Variants in STAT5B observed in about 807,000 individuals in gnomAD.
STAT5B encodes signal transducer and activator of transcription 5B.
STAT5B carries 21 observed loss-of-function variants against 107.8 expected under a neutral mutation model. That is an observed-to-expected ratio of 0.19 (90% confidence interval 0.14 to 0.28). The LOEUF is 0.28. Ranked by LOEUF, STAT5B falls within the 10% of genes least tolerant of loss-of-function variation. The probability of loss-of-function intolerance (pLI) is 1.00; values close to 1 mark genes in which losing one functional copy is unlikely to be tolerated. For synonymous variants in STAT5B, 325 were observed against 401.7 expected, an observed-to-expected ratio of 0.81 and a Z score of 2.28; for missense variants, 565 against 1,008.2, an observed-to-expected ratio of 0.56 and a Z score of 5.95.
rs967910319 is a variant in STAT5B at position 42,201,168 on chromosome 17, C to T, written c.*570G>A. On this transcript the variant is annotated 3_prime_UTR_variant, in exon 19 of 19. Transcript: ENST00000293328. The stretch of plus-strand genomic sequence containing the variant: ...TTTGTAGGTTGCCCCTTTTCCCATT[C>T]CTACCCAAGAACACAGGGGTGGGGG... 2.4e-6 allele frequency: 1 copy of T among 408,454 alleles called. No homozygotes were observed. Among genetic ancestry groups the T allele is most frequent in the African/African-American group, 2.1e-5 (1 of 48,748 alleles). The allele number at this position is 408,454 out of a possible 1,614,324, so 25.3% of individuals were successfully genotyped here.
In STAT5B at chr17:42,224,799, A is replaced by G. The variant is rs777518670; in HGVS notation, c.355T>C (p.Leu119=). 2.5e-6 allele frequency: 4 copies of G among 1,613,286 alleles called. No homozygotes were observed. In the South Asian group the frequency reaches 3.3e-5, roughly 13 times the overall value. The part of the protein sequence containing the change: ...IRHILYNEQR[L]VREANNGSSP... ...CTCACATTGTTGGCTTCTCGGACCA[A>G]CCTCTGTTCATTGTACAATATATGG... Residue 119 remains leucine, a synonymous_variant, in exon 4 of 19, where the codon TTG becomes CTG. Coordinates refer to ENST00000293328, the MANE Select transcript of STAT5B (RefSeq NM_012448.4).
intron 1 of STAT5B, among the ~76,000 whole-genome samples, chr17:42,243,639 A>G (rs1157073501): frequency 7.2e-5 from 11 of 152,198 alleles, no homozygotes; most frequent in Admixed American, 7.2e-4. Flanking sequence ...AGTATATGCG[A>G]GTACTCATTG....
At chr17:42,203,833 G>C (rs1250545585) in intron 16 of STAT5B, among the ~76,000 whole-genome samples, 2 of 151,902 alleles carry the variant, frequency 1.3e-5, no homozygotes, top group Non-Finnish European at 2.9e-5. Context: ...CTCCATGTTG[G>C]TCAGGCTGGT....
chr17:42,227,726 C>T (rs778822549), intron 2 of STAT5B, 41 bp from the exon 3 acceptor site: 54 of 1,604,916 alleles, frequency 3.4e-5, no homozygotes, highest in Admixed American at 1.0e-4. Flanking sequence ...CATACATGCA[C>T]GTGAGCCTGT....
chr17:42,282,995 G>C, the STAT5B span, among the ~76,000 whole-genome samples: 1 of 151,944 alleles, frequency 6.6e-6, no homozygotes, highest in Non-Finnish European at 1.5e-5. Context: ...CTTAAGAAAC[G>C]AAGAAACAAT....
chr17:42,256,861 C>CA (rs781345676), intron 1 of STAT5B, among the ~76,000 whole-genome samples: 1,170 of 44,734 alleles, frequency 0.026, 213 homozygotes, highest in Middle Eastern at 0.071. Context: ...GACTCTGTCT[C>CA]AAAAAAAAAA....
intron 16 of STAT5B, among the ~76,000 whole-genome samples, chr17:42,204,788 C>T (rs1482736585): frequency 6.6e-6 from 1 of 152,132 alleles, no homozygotes; most frequent in Non-Finnish European, 1.5e-5. Flanking sequence ...CTAACTTTTT[C>T]TTTTTTGTAG....
chr17:42,207,820 A>G lies in STAT5B; in HGVS notation c.1907-92T>C, dbSNP rs563323204. 5.2e-4 allele frequency: 690 copies of G among 1,332,486 alleles called. 2 individuals are homozygous for G. Among genetic ancestry groups the G allele is most frequent in the Non-Finnish European group, 6.9e-4 (652 of 944,722 alleles). 82.5% of individuals were successfully genotyped at this position (1,332,486 alleles called of 1,614,324 possible). ...AACATACTATAAATTCAAGCTTGCC[A>G]TTATAATGGCTCCAATAGAAATCTC... is the stretch of plus-strand genomic sequence containing the variant. On this transcript the variant is annotated intron_variant, in intron 15 of 18. Transcript: ENST00000293328.
At chr17:42,261,545 AT>A (rs1332828142) in intron 1 of STAT5B, among the ~76,000 whole-genome samples, 1 of 151,848 alleles carries the variant, frequency 6.6e-6, no homozygotes, top group Non-Finnish European at 1.5e-5. Flanking sequence ...GTTAAGATAG[AT>A]TTTTTATTTT....
At chr17:42,282,067 G>C in the STAT5B span, among the ~76,000 whole-genome samples, 111 of 152,306 alleles carry the variant, frequency 7.3e-4, no homozygotes, top group African/African-American at 2.6e-3. Flanking sequence ...GAACCATGGT[G>C]GGGGTGGTCA....
Position 42,207,674 on chromosome 17 carries a change from C to T in STAT5B, c.1961G>A (p.Arg654Gln), listed in dbSNP as rs201246187. The T allele has an allele frequency of 1.9e-6, 3 of 1,613,988 alleles. No homozygotes were observed. Among genetic ancestry groups the T allele is most frequent in the Admixed American group, 1.7e-5 (1 of 59,986 alleles). Reference protein sequence around the residue: ...MPFTTRDFSIRSLADRLGDLN... With the variant: ...MPFTTRDFSIQSLADRLGDLN... Reference sequence around the variant, plus strand: ...GTCTCCCAAGCGGTCGGCTAGGGACCGAATGGAGAAGTCTCTGGTGGTAAA... The same window carrying T: ...GTCTCCCAAGCGGTCGGCTAGGGACTGAATGGAGAAGTCTCTGGTGGTAAA... The change falls in exon 16 of 19, where the codon CGG (arginine) becomes CAG (glutamine). Residue 654 changes from arginine to glutamine, a missense_variant. Physicochemically the swap from Arg to Gln is conservative, Grantham distance 43 (BLOSUM62 1). Coordinates refer to ENST00000293328, the MANE Select transcript of STAT5B (RefSeq NM_012448.4).
At chr17:42,222,055 CTG>C (rs1237628379) in intron 5 of STAT5B, among the ~76,000 whole-genome samples, 2 of 91,538 alleles carry the variant, frequency 2.2e-5, no homozygotes, top group African/African-American at 8.8e-5. Context: ...TGCTGTGTGT[CTG>C]TGTGTGTGCT....
the STAT5B span, among the ~76,000 whole-genome samples, chr17:42,285,985 C>T: frequency 6.6e-6 from 1 of 151,908 alleles, no homozygotes; most frequent in Non-Finnish European, 1.5e-5. Flanking sequence ...TTTGGGAGGC[C>T]GAGGCGGGTG....
intron 1 of STAT5B, chr17:42,233,997 C>T: frequency 6.6e-6 from 1 of 152,160 alleles, no homozygotes; most frequent in East Asian, 1.9e-4. Context: ...TGCTCTAACA[C>T]TATTTTCCAT....
At chr17:42,231,965 C>T in intron 2 of STAT5B, 35 bp downstream of exon 2, 2 of 1,612,818 alleles carry the variant, frequency 1.2e-6, no homozygotes, top group Non-Finnish European at 1.7e-6. Flanking sequence ...TCTTGTGTTT[C>T]ACAAAATATG....
the STAT5B span, among the ~76,000 whole-genome samples, chr17:42,283,864 G>C: frequency 6.6e-6 from 1 of 152,182 alleles, no homozygotes; most frequent in Non-Finnish European, 1.5e-5. Flanking sequence ...ATGGGCCCAT[G>C]GCCCCACTTC....
intron 5 of STAT5B, among the ~76,000 whole-genome samples, 190 bp downstream of exon 5, chr17:42,223,192 G>A (rs1376895415): frequency 6.6e-6 from 1 of 152,098 alleles, no homozygotes; most frequent in East Asian, 1.9e-4. Flanking sequence ...TTAAGCGGGG[G>A]GTCCTGTCAT....
At chr17:42,207,456 T>A in intron 16 of STAT5B, 102 bp downstream of exon 16, 1 of 1,452,884 alleles carries the variant, frequency 6.9e-7, no homozygotes. Context: ...TGTGTGGGTT[T>A]TCACACAAGA....
At chr17:42,236,514 T>C (rs2080357540) in intron 1 of STAT5B, among the ~76,000 whole-genome samples, 1 of 152,230 alleles carries the variant, frequency 6.6e-6, no homozygotes, top group Non-Finnish European at 1.5e-5. Flanking sequence ...TGATCTCGGC[T>C]CACTGCAGCC....
Sources: allele counts gnomAD v4.1 joint callset (sites outside exome capture counted in the v4.1 genomes callset), GRCh38; gene constraint gnomAD v4.1.1; transcripts MANE v1.5; gene names NCBI Gene and HGNC (gene_info 2026-07-23, HGNC 2026-07-21).